The following ZBTB16 variants were observed in gnomAD, a reference collection of about 807,000 sequenced individuals.
The protein encoded by ZBTB16 is zinc finger and BTB domain-containing protein 16.
In ZBTB16, 8 loss-of-function variants were observed where a neutral mutation model predicts 56.8. The observed-to-expected ratio is 0.14, with a 90% CI of 0.08 to 0.25. The LOEUF is 0.25. ZBTB16 is among the 10% of genes least tolerant of loss of function. The pLI, the probability that ZBTB16 is intolerant of heterozygous loss-of-function variation, is 1.00. For synonymous variants in ZBTB16, 363 were observed against 368.5 expected, an observed-to-expected ratio of 0.98 and a Z score of 0.17; for missense variants, 625 against 903.0, an observed-to-expected ratio of 0.69 and a Z score of 3.95.
intron 4 of ZBTB16, among the ~76,000 whole-genome samples, chr11:114,232,430 A>G (rs1020841151): frequency 6.6e-6 from 1 of 152,202 alleles, no homozygotes; most frequent in Non-Finnish European, 1.5e-5. Context: ...AGTTCTCTGC[A>G]TCTTGGGAGA....
At chr11:114,085,367 A>G (rs532317844) in intron 2 of ZBTB16, among the ~76,000 whole-genome samples, 1 of 152,214 alleles carries the variant, frequency 6.6e-6, no homozygotes, top group Non-Finnish European at 1.5e-5. Flanking sequence ...TAGGTATTCA[A>G]TTCAAAAAGC....
At chr11:114,102,034 A>G (rs1406400164) in intron 2 of ZBTB16, among the ~76,000 whole-genome samples, 5 of 152,152 alleles carry the variant, frequency 3.3e-5, no homozygotes, top group Admixed American at 1.3e-4. Context: ...GGCTCCTGCA[A>G]TGAGGACCTC....
At chr11:114,065,914 A>G (rs1939097862) in intron 2 of ZBTB16, among the ~76,000 whole-genome samples, 4 of 152,068 alleles carry the variant, frequency 2.6e-5, no homozygotes, top group Admixed American at 6.6e-5. Flanking sequence ...TGCTTATAGG[A>G]AGTGGAGTAA....
chr11:114,082,414 G>A (rs745855844), intron 2 of ZBTB16, among the ~76,000 whole-genome samples: 1 of 152,340 alleles, frequency 6.6e-6, no homozygotes, highest in South Asian at 2.1e-4. Context: ...CACAGTGCCT[G>A]TAACAGTGTA....
At chr11:114,167,339 G>A (rs1942804877) in intron 3 of ZBTB16, among the ~76,000 whole-genome samples, 1 of 136,214 alleles carries the variant, frequency 7.3e-6, no homozygotes, top group Non-Finnish European at 1.5e-5. Flanking sequence ...CTGAGGGTTG[G>A]TGGTCTGCCC....
Position 114,250,204 on chromosome 11 carries a change from G to T in ZBTB16, c.1793-122G>T, listed in dbSNP as rs919088203. On this transcript the variant is annotated intron_variant, in intron 6 of 6. Transcript: ENST00000335953. The surrounding 1 kb of genome is among the most constrained non-coding windows in gnomAD (Gnocchi z 6.0). ...GGTGGTGCCTTCATTGTCCCAGAAA[G>T]TTCTGTTGGAGCAAGCCCAGCTGGA... is the stretch of plus-strand genomic sequence containing the variant. 9.2e-7 allele frequency: 1 copy of T among 1,081,890 alleles called. No individual in the cohort carries two copies. The highest frequency in any genetic ancestry group is 1.4e-6 in the Non-Finnish European group (1 of 718,256). 67.0% of individuals were successfully genotyped at this position (1,081,890 alleles called of 1,614,324 possible).
intron 2 of ZBTB16, among the ~76,000 whole-genome samples, chr11:114,126,561 G>A (rs972381930): frequency 6.6e-6 from 1 of 152,188 alleles, no homozygotes; most frequent in Non-Finnish European, 1.5e-5. Context: ...GCTGAGTATT[G>A]TTGTTGAGAG....
At chr11:114,237,540 C>T (rs372081301) in intron 4 of ZBTB16, among the ~76,000 whole-genome samples, 1 of 152,240 alleles carries the variant, frequency 6.6e-6, no homozygotes, top group Non-Finnish European at 1.5e-5. Context: ...CTGCCGGGCC[C>T]CCCTGCCCCG....
At chr11:114,167,223 TTTTTTTTGG>T in intron 3 of ZBTB16, among the ~76,000 whole-genome samples, 1 of 73,274 alleles carries the variant, frequency 1.4e-5, no homozygotes, top group Non-Finnish European at 2.3e-5. Flanking sequence ...GTGGTTTTTT[TTTTTTTTGG>T]TTTTTTTTTT....
At chr11:114,183,929 C>T (rs1432631358) in intron 3 of ZBTB16, among the ~76,000 whole-genome samples, 2 of 152,226 alleles carry the variant, frequency 1.3e-5, no homozygotes, top group East Asian at 3.8e-4. Context: ...TTCTTCAAAG[C>T]TCTCTTAAGC....
At chr11:114,167,116 A>G (rs1283366660) in intron 3 of ZBTB16, among the ~76,000 whole-genome samples, 1 of 151,918 alleles carries the variant, frequency 6.6e-6, no homozygotes, top group Admixed American at 6.6e-5. Context: ...GCTGACTTCC[A>G]CTGGCTTGCG....
intron 3 of ZBTB16, among the ~76,000 whole-genome samples, chr11:114,158,123 C>A (rs1415608991): frequency 6.6e-6 from 1 of 152,016 alleles, no homozygotes; most frequent in Non-Finnish European, 1.5e-5. Flanking sequence ...AGGTTGGCTA[C>A]CCTTCCCTTG....
At chr11:114,113,735 A>G (rs953603642) in intron 2 of ZBTB16, among the ~76,000 whole-genome samples, 9 of 152,190 alleles carry the variant, frequency 5.9e-5, no homozygotes, top group Non-Finnish European at 1.2e-4. Flanking sequence ...TACTTTGACT[A>G]CTGCTGTCTA....
At chr11:114,157,564 C>G (rs193108927) in intron 3 of ZBTB16, among the ~76,000 whole-genome samples, 24 of 152,330 alleles carry the variant, frequency 1.6e-4, no homozygotes, top group Admixed American at 5.2e-4. Flanking sequence ...CGCTCGTTCC[C>G]TGCCTGCCTG....
chr11:114,179,846 G>A (rs1378715224), intron 3 of ZBTB16, among the ~76,000 whole-genome samples: 1 of 152,070 alleles, frequency 6.6e-6, no homozygotes, highest in African/African-American at 2.4e-5. Context: ...CCTCATTTCT[G>A]GTTAGGGCAG....
chr11:114,154,166 G>T (rs1351766810), intron 2 of ZBTB16, among the ~76,000 whole-genome samples: 2 of 152,176 alleles, frequency 1.3e-5, no homozygotes, highest in East Asian at 3.9e-4. Flanking sequence ...GAGCCCCAGA[G>T]GGGAGTTTAG....
At chr11:114,241,885 C>T (rs1028705440) in intron 4 of ZBTB16, among the ~76,000 whole-genome samples, 1 of 152,132 alleles carries the variant, frequency 6.6e-6, no homozygotes, top group African/African-American at 2.4e-5. Context: ...TTTTACATAC[C>T]ACCCGACACA....
At chr11:114,118,704 C>T (rs1941251240) in intron 2 of ZBTB16, among the ~76,000 whole-genome samples, 1 of 152,096 alleles carries the variant, frequency 6.6e-6, no homozygotes, top group African/African-American at 2.4e-5. Flanking sequence ...CCAGGGCTTT[C>T]TGCTTCATAT....
rs12291483 is a variant in ZBTB16 at position 114,251,484 on chromosome 11, G to A, written c.*929G>A. 0.038 allele frequency among the ~76,000 whole-genome samples: 5,852 copies of A among 152,250 alleles called. 312 individuals carry two copies. Among genetic ancestry groups the A allele is most frequent in the African/African-American group, 0.1 (4,343 of 41,526 alleles). On this transcript the variant is annotated 3_prime_UTR_variant, in exon 7 of 7. Transcript: ENST00000335953. ...CTACCAAACAAACCACAGTCCCTAC[G>A]TAGCCCTACTTCAGTCCCAGGAGAA...
Sources: allele counts gnomAD v4.1 joint callset (sites outside exome capture counted in the v4.1 genomes callset), GRCh38; gene constraint gnomAD v4.1.1; non-coding constraint Gnocchi (gnomAD v3.1); transcripts MANE v1.5; gene names NCBI Gene and HGNC (gene_info 2026-07-23, HGNC 2026-07-21).